RAB27A: variants seen among roughly 807,000 people sequenced by gnomAD.
The protein encoded by RAB27A is ras-related protein Rab-27A.
In RAB27A, 17 loss-of-function variants were observed where a neutral mutation model predicts 20.8. That is an observed-to-expected ratio of 0.82 (90% CI 0.56 to 1.23). The LOEUF is 1.23. Ranked by LOEUF, RAB27A falls within the 50% of genes most tolerant of loss-of-function variation. The probability of loss-of-function intolerance (pLI) is 0.00; values close to 1 mark genes in which losing one functional copy is unlikely to be tolerated. For missense variants in RAB27A, 277 were observed against 266.7 expected (o/e 1.04, Z -0.27); for synonymous variants, 85 against 92.8 (o/e 0.92, Z 0.48).
At chr15:55,291,366 A>G (rs1351727829), upstream of RAB27A, among the ~76,000 whole-genome samples, 3 of 152,108 alleles carry the variant, frequency 2.0e-5, no homozygotes, top group East Asian at 5.8e-4. Flanking sequence ...AAAAATTAGC[A>G]GGGCGTCGTG....
chr15:55,262,282 A>C (rs553962927), intron 2 of RAB27A, among the ~76,000 whole-genome samples: 42 of 152,100 alleles, frequency 2.8e-4, no homozygotes, highest in Admixed American at 4.6e-4. Context: ...TGGCTCATGC[A>C]TGTAATCCTA....
intron 3 of RAB27A, among the ~76,000 whole-genome samples, 174 bp downstream of exon 3, chr15:55,234,608 T>C (rs1896176844): frequency 6.6e-6 from 1 of 152,226 alleles, no homozygotes; most frequent in South Asian, 2.1e-4. Context: ...TATGAAGTGC[T>C]GTCAGCACAG....
At chr15:55,217,728 T>C (rs190350099) in intron 6 of RAB27A, among the ~76,000 whole-genome samples, 458 of 123,496 alleles carry the variant, frequency 3.7e-3, no homozygotes, top group African/African-American at 0.013. Flanking sequence ...ATTTTAACCA[T>C]AGAAAGAGTG....
At chr15:55,227,433 G>A (rs533135251) in intron 5 of RAB27A, among the ~76,000 whole-genome samples, 11 of 152,154 alleles carry the variant, frequency 7.2e-5, no homozygotes, top group Non-Finnish European at 1.6e-4. Context: ...AGCTACAAGG[G>A]AAATAATGAG....
At chr15:55,247,294 C>T (rs537579580) in intron 2 of RAB27A, among the ~76,000 whole-genome samples, 1 of 151,226 alleles carries the variant, frequency 6.6e-6, no homozygotes, top group East Asian at 1.9e-4. Context: ...CTTGTGGGCC[C>T]AAGGCTCAAA....
At chr15:55,210,281 G>GT (rs560258521) in intron 6 of RAB27A, among the ~76,000 whole-genome samples, 38,621 of 142,416 alleles carry the variant, frequency 0.27, 6,543 homozygotes, top group African/African-American at 0.49. Context: ...TCTATTTTTA[G>GT]TTTTTTTTTT....
chr15:55,283,100 G>A (rs1420714046), intron 1 of RAB27A, among the ~76,000 whole-genome samples: 1 of 152,056 alleles, frequency 6.6e-6, no homozygotes, highest in Non-Finnish European at 1.5e-5. Flanking sequence ...TCTAATGCAG[G>A]GTTTCTTAGC....
chr15:55,225,391 A>C (rs1895757594), intron 5 of RAB27A, among the ~76,000 whole-genome samples: 1 of 152,206 alleles, frequency 6.6e-6, no homozygotes, highest in African/African-American at 2.4e-5. Context: ...TTATACAGTC[A>C]AGGTAAGGAT....
intron 6 of RAB27A, among the ~76,000 whole-genome samples, chr15:55,214,377 T>A (rs566717505): frequency 3.7e-4 from 56 of 152,190 alleles, no homozygotes; most frequent in African/African-American, 8.4e-4. Flanking sequence ...TGGAGCTTGC[T>A]GTGAGCCAAG....
chr15:55,316,199 C>A (rs992261809), intron 1 of RAB27A, among the ~76,000 whole-genome samples: 7 of 147,376 alleles, frequency 4.7e-5, no homozygotes, highest in African/African-American at 1.5e-4. Context: ...TGCGCCACTG[C>A]GCTCCAGCCT....
At chr15:55,226,255 A>G (rs1895789622) in intron 5 of RAB27A, among the ~76,000 whole-genome samples, 2 of 152,132 alleles carry the variant, frequency 1.3e-5, no homozygotes, top group Non-Finnish European at 2.9e-5. Context: ...AATTCCTTTC[A>G]GATTTCAATC....
rs182396735 is a variant in RAB27A, at chr15:55,280,670, C to G, written c.-143+9046G>C. On this transcript the variant is annotated intron_variant, in intron 1 of 6. Transcript: ENST00000336787. ...CTATCCCTCCCCCAGTCCCCACCCC[C>G]TGAGAGGCCCCGGTGTGTGATGTTC... 1.1e-4 allele frequency among the ~76,000 whole-genome samples: 16 copies of G among 152,024 alleles called. No individual in the cohort carries two copies. The East Asian group carries it at 3.1e-3, about 29-fold the overall frequency.
intron 6 of RAB27A, among the ~76,000 whole-genome samples, chr15:55,208,452 C>T (rs939689581): frequency 2.1e-4 from 32 of 152,092 alleles, no homozygotes; most frequent in African/African-American, 7.2e-4. Context: ...ATTCGGTTGC[C>T]AAACGGTAGA....
chr15:55,214,666 A>G (rs994194503), intron 6 of RAB27A, among the ~76,000 whole-genome samples: 1 of 152,168 alleles, frequency 6.6e-6, no homozygotes, highest in African/African-American at 2.4e-5. Context: ...CCTCTTAGTT[A>G]CTGTCAATCT....
chr15:55,217,557 C>G (rs1053120454), intron 6 of RAB27A, among the ~76,000 whole-genome samples: 2 of 145,460 alleles, frequency 1.4e-5, no homozygotes, highest in African/African-American at 5.1e-5. Context: ...CCCAGCTACT[C>G]GGGAGGGTGA....
intron 1 of RAB27A, among the ~76,000 whole-genome samples, chr15:55,288,215 G>A (rs1898207904): frequency 6.6e-6 from 1 of 152,108 alleles, no homozygotes; most frequent in African/African-American, 2.4e-5. Flanking sequence ...GACATCAAAA[G>A]CACAAACAAC....
At chr15:55,274,202 A>T (rs1275280947) in intron 1 of RAB27A, among the ~76,000 whole-genome samples, 1 of 152,178 alleles carries the variant, frequency 6.6e-6, no homozygotes, top group African/African-American at 2.4e-5. Flanking sequence ...GATACATGAA[A>T]ATAGAATACA....
intron 4 of RAB27A, among the ~76,000 whole-genome samples, chr15:55,230,077 G>A (rs1168030844): frequency 6.6e-6 from 1 of 152,112 alleles, no homozygotes; most frequent in Non-Finnish European, 1.5e-5. Flanking sequence ...TCAACAGTCA[G>A]GTAAGAATAA....
intron 2 of RAB27A, among the ~76,000 whole-genome samples, chr15:55,302,245 G>T (rs999830327): frequency 6.6e-6 from 1 of 151,506 alleles, no homozygotes; most frequent in Non-Finnish European, 1.5e-5. Flanking sequence ...CGCCACGCCT[G>T]ACTGGTTTTG....
Sources: gnomAD v4.1 joint callset for allele counts (sites outside exome capture counted in the v4.1 genomes callset) on GRCh38, gnomAD v4.1.1 for gene constraint, MANE v1.5 for transcripts, NCBI Gene and HGNC (gene_info 2026-07-23, HGNC 2026-07-21) for gene names.